Variants in NRG1 observed in about 807,000 individuals in gnomAD.
NRG1 encodes pro-neuregulin-1, membrane-bound isoform.
A neutral mutation model predicts 63.8 loss-of-function variants in NRG1; 18 were observed. The observed-to-expected ratio is 0.28, with a 90% CI of 0.19 to 0.42. The LOEUF (loss-of-function observed/expected upper bound fraction) is 0.42. Among genes scored for constraint, NRG1 ranks in the 10% least tolerant of loss-of-function variants. The pLI, the probability that NRG1 is intolerant of heterozygous loss-of-function variation, is 1.00. For missense variants in NRG1, 762 were observed against 814.7 expected, an observed-to-expected ratio of 0.94 and a Z score of 0.79; for synonymous variants, 302 against 301.3, an observed-to-expected ratio of 1.00 and a Z score of -0.02.
intron 1 of NRG1, among the ~76,000 whole-genome samples, chr8:31,833,996 T>C (rs1443010819): frequency 6.6e-6 from 1 of 152,210 alleles, no homozygotes; most frequent in Non-Finnish European, 1.5e-5. Flanking sequence ...TAAGCCCTTC[T>C]GGACTGGCTT....
rs1369731938 is a variant in NRG1 at position 31,733,627 on chromosome 8, G to A, written c.37+94196G>A. On this transcript the variant is annotated intron_variant, in intron 1 of 10. Coordinates refer to the NRG1 transcript ENST00000519301. ...CTCTTTCATCTCCCACCCATCTCCA[G>A]AAAAGTCCAGGTTACACCTGTGGAA... Among the ~76,000 whole-genome samples the A allele has an allele frequency of 4.6e-5, 7 of 152,120 alleles. No homozygotes were observed. The South Asian group carries it at 1.0e-3, about 23-fold the overall frequency.
At chr8:32,748,339 G>GCGTGCACA (rs1207515428) in intron 7 of NRG1, among the ~76,000 whole-genome samples, 6 of 128,356 alleles carry the variant, frequency 4.7e-5, no homozygotes, top group African/African-American at 1.7e-4. Flanking sequence ...GCGCGCGCGC[G>GCGTGCACA]CACACACACA....
intron 1 of NRG1, among the ~76,000 whole-genome samples, chr8:31,907,207 A>G (rs1016767546): frequency 1.5e-5 from 2 of 135,784 alleles, no homozygotes; most frequent in African/African-American, 5.9e-5. Context: ...GTGAAAGAAT[A>G]TGATGAACTC....
At chr8:32,261,435 T>C (rs1850360947) in intron 1 of NRG1, among the ~76,000 whole-genome samples, 1 of 151,752 alleles carries the variant, frequency 6.6e-6, no homozygotes, top group Non-Finnish European at 1.5e-5. Flanking sequence ...AGAAGGGCAA[T>C]GAATTCGAAA....
chr8:32,640,178 A>G (rs141997317), intron 5 of NRG1, among the ~76,000 whole-genome samples: 2 of 152,098 alleles, frequency 1.3e-5, no homozygotes, highest in African/African-American at 2.4e-5. Flanking sequence ...AGAAATGACC[A>G]TTCATCCACA....
intron 1 of NRG1, among the ~76,000 whole-genome samples, chr8:32,000,573 C>G (rs1224913836): frequency 6.6e-6 from 1 of 151,834 alleles, no homozygotes; most frequent in African/African-American, 2.4e-5. Context: ...AGACTTATCC[C>G]TCTCTTAAAA....
chr8:32,473,558 C>A (rs1199274277), intron 1 of NRG1, among the ~76,000 whole-genome samples: 1 of 152,156 alleles, frequency 6.6e-6, no homozygotes, highest in East Asian at 1.9e-4. Flanking sequence ...GGTTTCTAGA[C>A]CAAATATACC....
chr8:32,345,021 T>C (rs773323473), intron 1 of NRG1, among the ~76,000 whole-genome samples: 5 of 152,152 alleles, frequency 3.3e-5, no homozygotes, highest in Admixed American at 6.5e-5. Flanking sequence ...CTAGTAGCTA[T>C]GCGTTTCATT....
intron 1 of NRG1, among the ~76,000 whole-genome samples, chr8:31,835,324 A>T (rs2129606934): frequency 6.6e-6 from 1 of 152,356 alleles, no homozygotes; most frequent in South Asian, 2.1e-4. Flanking sequence ...TAAAAATAGA[A>T]CATGGCCTCT....
chr8:32,009,241 A>G (rs1008037662), intron 1 of NRG1, among the ~76,000 whole-genome samples: 1 of 152,088 alleles, frequency 6.6e-6, no homozygotes, highest in African/African-American at 2.4e-5. Flanking sequence ...CCTTGCTTCC[A>G]TCATTCCCCT....
chr8:32,587,140 C>T (rs189527605), intron 1 of NRG1, among the ~76,000 whole-genome samples: 1 of 152,070 alleles, frequency 6.6e-6, no homozygotes, highest in African/African-American at 2.4e-5. Flanking sequence ...GCTTAAGATT[C>T]TGAGGCTGCA....
chr8:31,843,096 C>G (rs1826346114), intron 1 of NRG1, among the ~76,000 whole-genome samples: 1 of 151,958 alleles, frequency 6.6e-6, no homozygotes, highest in Non-Finnish European at 1.5e-5. Flanking sequence ...TAGCAGGACA[C>G]CTCTGTTCTC....
At chr8:32,054,859 CTTTCTTTTTTTTTTTT>C (rs1822606819) in intron 1 of NRG1, among the ~76,000 whole-genome samples, 8 of 70,660 alleles carry the variant, frequency 1.1e-4, no homozygotes, top group African/African-American at 4.5e-4. Context: ...AGATTTCTTT[CTTTCTTTTTTTTTTTT>C]TTTTTTTTTT....
At chr8:32,686,121 A>C (rs532441003) in intron 5 of NRG1, among the ~76,000 whole-genome samples, 2 of 152,330 alleles carry the variant, frequency 1.3e-5, no homozygotes, top group African/African-American at 4.8e-5. Flanking sequence ...ATTAAACCTC[A>C]TTAGTTTTTT....
rs3916342 is a variant in NRG1, at chr8:32,344,419, A to G, written c.38-251409A>G. On this transcript the variant is annotated intron_variant, in intron 1 of 10. Coordinates refer to the NRG1 transcript ENST00000519301. The stretch of plus-strand genomic sequence containing the variant: ...TTTTTGTGCATGCATGCGTGCATGC[A>G]TGTGTGTGTGTGTGTGTGTGTGTGT... Among the ~76,000 whole-genome samples the G allele has an allele frequency of 2.0e-3, 115 of 57,356 alleles. 5 individuals are homozygous for G. Among genetic ancestry groups the G allele is most frequent in the Admixed American group, 2.2e-3 (12 of 5,444 alleles). The allele number at this position is 57,356 out of a possible 152,430, so 37.6% of individuals were successfully genotyped here.
chr8:32,133,456 G>A (rs1027205653), intron 1 of NRG1, among the ~76,000 whole-genome samples: 2 of 151,954 alleles, frequency 1.3e-5, no homozygotes, highest in African/African-American at 2.4e-5. Flanking sequence ...GAACCCATGT[G>A]GTTCAACTGA....
intron 1 of NRG1, among the ~76,000 whole-genome samples, chr8:32,411,633 A>G (rs1814963438): frequency 6.6e-6 from 1 of 152,218 alleles, no homozygotes; most frequent in Non-Finnish European, 1.5e-5. Context: ...ATGCTAAGCT[A>G]TGTAAATACA....
chr8:32,274,068 A>G (rs1410804054), intron 1 of NRG1, among the ~76,000 whole-genome samples: 2 of 152,220 alleles, frequency 1.3e-5, no homozygotes, highest in African/African-American at 4.8e-5. Context: ...GGTGGAAAAA[A>G]AGAAGAAAAA....
At chr8:32,198,720 T>G (rs1843206617) in intron 1 of NRG1, among the ~76,000 whole-genome samples, 1 of 152,334 alleles carries the variant, frequency 6.6e-6, no homozygotes, top group Non-Finnish European at 1.5e-5. Context: ...TCCAAAGCTC[T>G]AATCAATTAA....
Sources: allele counts gnomAD v4.1 joint callset (sites outside exome capture counted in the v4.1 genomes callset), GRCh38; gene constraint gnomAD v4.1.1; transcripts MANE v1.5; gene names NCBI Gene and HGNC (gene_info 2026-07-23, HGNC 2026-07-21).